Variants in EFHC1 observed in about 807,000 individuals in gnomAD.
EFHC1 encodes the protein EF-hand domain containing 1.
In EFHC1, 53 loss-of-function variants were observed where a neutral mutation model predicts 69.9. That is an observed-to-expected ratio of 0.76 (90% CI 0.61 to 0.95). EFHC1 has a LOEUF of 0.95. Ranked by LOEUF, EFHC1 falls within the 40% of genes least tolerant of loss-of-function variation. EFHC1 has a pLI of 0.00. For synonymous variants in EFHC1, 256 were observed against 278.4 expected (o/e 0.92, Z 0.80); for missense variants, 739 against 798.7 (o/e 0.93, Z 0.90).
intron 2 of EFHC1, among the ~76,000 whole-genome samples, chr6:52,435,292 A>C (rs1425973084): frequency 6.6e-6 from 1 of 152,104 alleles, no homozygotes; most frequent in Non-Finnish European, 1.5e-5. Context: ...TCTTCATATC[A>C]ATTTGATAGT....
At chr6:52,423,561 G>T in intron 1 of EFHC1, 2 of 435,306 alleles carry the variant, frequency 4.6e-6, no homozygotes, top group Non-Finnish European at 8.0e-6. Flanking sequence ...GAGTGCAGTG[G>T]TTCAATCATA....
intron 3 of EFHC1, among the ~76,000 whole-genome samples, chr6:52,445,475 G>A (rs942226324): frequency 8.0e-6 from 1 of 124,902 alleles, no homozygotes; most frequent in Non-Finnish European, 1.6e-5. Context: ...GCAGTCCCCA[G>A]AGTGTGATGT....
intron 3 of EFHC1, among the ~76,000 whole-genome samples, chr6:52,443,489 TTCAGCTTTCTACATATGGC>T (rs1464835620): frequency 1.3e-5 from 2 of 152,222 alleles, no homozygotes; most frequent in African/African-American, 4.8e-5. Flanking sequence ...GGGATCCAGT[TTCAGCTTTCTACATATGGC>T]TAGCCAGTTT....
At chr6:52,465,623 G>A (rs1159227400) in intron 6 of EFHC1, among the ~76,000 whole-genome samples, 4 of 151,650 alleles carry the variant, frequency 2.6e-5, no homozygotes, top group Admixed American at 6.6e-5. Flanking sequence ...CCTGGCCAAC[G>A]TAGTGAAACC....
rs1057246853 is a variant in EFHC1, at chr6:52,479,139, A to G, written c.1381A>G (p.Ile461Val). 9 of 1,613,982 alleles carry G rather than the reference A, an allele frequency of 5.6e-6. No individual in the cohort carries two copies. The highest frequency in any genetic ancestry group is 2.2e-5 in the East Asian group (1 of 44,892). ...IFEPPVRNSG[I>V]IGGKYLGRTK... ...TGAGCCTCCTGTTCGCAATTCTGGT[A>G]TCATTGGGGGCAAGTACCTTGGCAG... Residue 461 changes from isoleucine (I) to valine (V), a missense_variant, in exon 8 of 11, where the codon ATC becomes GTC. Physicochemically the swap from Ile to Val is conservative, Grantham distance 29. Transcript: ENST00000371068.
intron 3 of EFHC1, among the ~76,000 whole-genome samples, chr6:52,449,015 T>C (rs576978005): frequency 6.6e-6 from 1 of 152,258 alleles, no homozygotes; most frequent in South Asian, 2.1e-4. Context: ...GGTATCAGAA[T>C]GATGCTGGCC....
intron 2 of EFHC1, among the ~76,000 whole-genome samples, chr6:52,430,995 A>C (rs1764401628): frequency 6.6e-6 from 1 of 152,178 alleles, no homozygotes; most frequent in Non-Finnish European, 1.5e-5. Context: ...AAAGGTGTTC[A>C]TAGTAGCCTT....
chr6:52,460,217 G>T (rs999328265), intron 5 of EFHC1, among the ~76,000 whole-genome samples: 2 of 152,112 alleles, frequency 1.3e-5, no homozygotes, highest in African/African-American at 4.8e-5. Flanking sequence ...AACAATTATT[G>T]ATGTATGAAA....
chr6:52,462,662 G>A (rs1252004455), intron 5 of EFHC1, among the ~76,000 whole-genome samples: 1 of 152,136 alleles, frequency 6.6e-6, no homozygotes, highest in African/African-American at 2.4e-5. Context: ...AAGGCAGGCG[G>A]ATCACTTGAG....
intron 2 of EFHC1, among the ~76,000 whole-genome samples, chr6:52,434,108 C>G (rs929628755): frequency 2.0e-5 from 3 of 152,212 alleles, no homozygotes; most frequent in African/African-American, 7.2e-5. Context: ...TACCTGCCTC[C>G]CAGCTTTGAA....
intron 3 of EFHC1, among the ~76,000 whole-genome samples, chr6:52,445,518 A>G (rs959299533): frequency 7.4e-6 from 1 of 134,642 alleles, no homozygotes; most frequent in Admixed American, 8.7e-5. Context: ...TCTCATTGGG[A>G]TTCATTGATT....
At chr6:52,490,031 G>C (rs1765863367) in intron 9 of EFHC1, 109 bp from the exon 10 acceptor site, 1 of 1,013,824 alleles carries the variant, frequency 9.9e-7, no homozygotes, top group Admixed American at 2.0e-5. Flanking sequence ...CAGTCTCAAA[G>C]CTGTGATTAG....
At chr6:52,468,236 G>A (rs1490637811) in intron 6 of EFHC1, among the ~76,000 whole-genome samples, 3 of 152,192 alleles carry the variant, frequency 2.0e-5, no homozygotes, top group Admixed American at 1.3e-4. Context: ...TAGCTTGGTT[G>A]AAGATGTCCA....
At chr6:52,460,403 G>T (rs1765139262) in intron 5 of EFHC1, among the ~76,000 whole-genome samples, 1 of 152,150 alleles carries the variant, frequency 6.6e-6, no homozygotes, top group African/African-American at 2.4e-5. Flanking sequence ...GTCATGAGGA[G>T]ACTTTTGGAT....
At chr6:52,472,301 C>G (rs1765455557) in intron 7 of EFHC1, among the ~76,000 whole-genome samples, 1 of 152,154 alleles carries the variant, frequency 6.6e-6, no homozygotes, top group African/African-American at 2.4e-5. Context: ...AGGAACAAGG[C>G]AAGACTGCTA....
intron 8 of EFHC1, 79 bp from the exon 9 acceptor site, chr6:52,479,561 T>C (rs1765625212): frequency 1.3e-5 from 20 of 1,589,064 alleles, no homozygotes; most frequent in East Asian, 2.2e-5. Flanking sequence ...GAATTTATCA[T>C]TGGAGGGTTA....
intron 7 of EFHC1, among the ~76,000 whole-genome samples, chr6:52,476,396 G>C (rs1765546016): frequency 6.6e-6 from 1 of 152,174 alleles, no homozygotes; most frequent in Non-Finnish European, 1.5e-5. Context: ...CTGTAATCAT[G>C]GTTGCAGATA....
At chr6:52,460,912 GA>G (rs1464482141) in intron 5 of EFHC1, among the ~76,000 whole-genome samples, 1 of 152,042 alleles carries the variant, frequency 6.6e-6, no homozygotes, top group Non-Finnish European at 1.5e-5. Flanking sequence ...CGTGAATAAA[GA>G]AAATAGCAAA....
chr6:52,460,203 AC>A (rs1765134207), intron 5 of EFHC1, among the ~76,000 whole-genome samples: 1 of 152,248 alleles, frequency 6.6e-6, no homozygotes, highest in East Asian at 1.9e-4. Context: ...CTACTAAAAA[AC>A]AAAACAATTA....
Sources: gnomAD v4.1 joint callset for allele counts (sites outside exome capture counted in the v4.1 genomes callset) on GRCh38, gnomAD v4.1.1 for gene constraint, MANE v1.5 for transcripts, NCBI Gene and HGNC (gene_info 2026-07-23, HGNC 2026-07-21) for gene names.